Variants in WWC2 observed in about 807,000 individuals in gnomAD.
WWC2 encodes WW and C2 domain containing 2.
Under a neutral mutation model 138.5 loss-of-function variants are expected in WWC2, and 101 were observed. That is an observed-to-expected ratio of 0.73 (90% CI 0.62 to 0.86). The LOEUF (loss-of-function observed/expected upper bound fraction) is 0.86. Among genes scored for constraint, WWC2 ranks in the 40% least tolerant of loss-of-function variants. WWC2 has a pLI of 0.00. For synonymous variants in WWC2, 558 were observed against 538.4 expected (o/e 1.04, Z -0.50); for missense variants, 1,420 against 1,419.4 (o/e 1.00, Z -0.01).
Position 183,284,263 on chromosome 4 carries a change from A to C in WWC2, c.2921A>C (p.Asp974Ala), listed in dbSNP as rs764473452. The change falls in exon 19 of 23, where the codon GAC becomes GCC. Residue 974 changes from aspartate to alanine, a missense_variant. Asp to Ala is a moderately radical substitution (Grantham distance 126, BLOSUM62 -2). Coordinates refer to ENST00000403733, the MANE Select transcript of WWC2 (RefSeq NM_024949.6). ...KETNTDEAAN[D>A]NMAVRPKERS... The stretch of plus-strand genomic sequence containing the variant: ...ACAAACACTGATGAAGCCGCTAATG[A>C]CAATATGGCAGTTCGCCCCAAAGAG... The C allele has an allele frequency of 3.1e-6, 5 of 1,613,886 alleles. No homozygotes were observed. The South Asian group carries it at 5.5e-5, about 18-fold the overall frequency.
intron 1 of WWC2, among the ~76,000 whole-genome samples, chr4:183,142,274 T>G (rs10520547): frequency 0.037 from 5,686 of 152,350 alleles, 126 homozygotes; most frequent in African/African-American, 0.051. Context: ...TTGCTGTTAT[T>G]AATGTGAATA....
intron 1 of WWC2, among the ~76,000 whole-genome samples, chr4:183,150,108 G>T (rs1012214681): frequency 2.6e-5 from 4 of 152,140 alleles, no homozygotes; most frequent in Admixed American, 2.0e-4. Context: ...TCTTAGGTTG[G>T]ACAGGGAGTG....
At chr4:183,217,737 C>G (rs1735795788) in intron 4 of WWC2, among the ~76,000 whole-genome samples, 1 of 151,890 alleles carries the variant, frequency 6.6e-6, no homozygotes, top group African/African-American at 2.4e-5. Context: ...ATGAATTACA[C>G]AGAGAAAACA....
chr4:183,224,683 C>T (rs1205793891), intron 4 of WWC2, among the ~76,000 whole-genome samples: 1 of 152,170 alleles, frequency 6.6e-6, no homozygotes, highest in African/African-American at 2.4e-5. Context: ...GCCTTAGCCT[C>T]CCGAGTAGCT....
At chr4:183,311,509 C>T (rs969154766) in intron 21 of WWC2, among the ~76,000 whole-genome samples, 1 of 151,876 alleles carries the variant, frequency 6.6e-6, no homozygotes, top group African/African-American at 2.4e-5. Flanking sequence ...TCTCCCCTTC[C>T]TCCGGTGCTG....
rs1385570626 is a variant in WWC2, at chr4:183,315,670, A to G, written c.3520A>G (p.Ile1174Val). 6.2e-7 allele frequency: 1 copy of G among 1,612,940 alleles called. No homozygotes were observed. Reference protein sequence around the residue: ...PRQVQSFREKIAYFTRAKISI... With the variant: ...PRQVQSFREKVAYFTRAKISI... ...TTCTCACCCCAACTCTAGGGAGAAG[A>G]TTGCCTACTTCACCAGAGCAAAGAT... The change falls in exon 23 of 23, where the codon ATT becomes GTT. Residue 1174 changes from isoleucine (I) to valine (V), a missense_variant. Transcript: ENST00000403733.
intron 1 of WWC2, among the ~76,000 whole-genome samples, chr4:183,147,493 C>T (rs745887608): frequency 6.6e-6 from 1 of 152,204 alleles, no homozygotes; most frequent in South Asian, 2.1e-4. Flanking sequence ...ACTCAGATCA[C>T]TCTGTTGTTA....
intron 1 of WWC2, among the ~76,000 whole-genome samples, chr4:183,159,950 TA>T (rs1438862326): frequency 3.3e-5 from 5 of 152,102 alleles, no homozygotes; most frequent in Non-Finnish European, 7.4e-5. Context: ...TTTGAGCAGG[TA>T]TTGGAATGAA....
intron 1 of WWC2, among the ~76,000 whole-genome samples, chr4:183,113,312 A>G (rs1430094635): frequency 6.6e-6 from 1 of 152,018 alleles, no homozygotes; most frequent in Non-Finnish European, 1.5e-5. Context: ...GAGGCAGAGA[A>G]GTATTAGGTT....
At chr4:183,192,423 C>G (rs1469187095) in intron 1 of WWC2, among the ~76,000 whole-genome samples, 1 of 152,190 alleles carries the variant, frequency 6.6e-6, no homozygotes, top group African/African-American at 2.4e-5. Context: ...CCAGTGTCTT[C>G]TTTGGAGCCA....
chr4:183,111,022 G>A (rs1420584894), intron 1 of WWC2, among the ~76,000 whole-genome samples: 6 of 152,030 alleles, frequency 3.9e-5, no homozygotes, highest in African/African-American at 9.7e-5. Context: ...GGCGGATCAC[G>A]AGGTCAGGAG....
chr4:183,250,086 C>T (rs1314085003), intron 8 of WWC2, 93 bp downstream of exon 8: 76 of 1,153,616 alleles, frequency 6.6e-5, no homozygotes, highest in Non-Finnish European at 9.0e-5. Context: ...TGGGCACTCC[C>T]CATACATTCT....
Position 183,265,120 on chromosome 4 carries a change from C to A in WWC2, c.2039+13C>A, listed in dbSNP as rs971867655. Reference sequence around the variant, plus strand: ...CTTTCGTGAAACAGTAAGGATTCAGCAGGGGCGCTTTTAGCTCCAGCGAAT... The same window carrying A: ...CTTTCGTGAAACAGTAAGGATTCAGAAGGGGCGCTTTTAGCTCCAGCGAAT... On this transcript the variant is annotated intron_variant, in intron 12 of 22. Coordinates refer to ENST00000403733, the MANE Select transcript of WWC2 (RefSeq NM_024949.6). 3.1e-6 allele frequency: 5 copies of A among 1,594,762 alleles called. No individual in the cohort carries two copies. In the African/African-American group the frequency reaches 5.4e-5, roughly 17 times the overall value.
rs776397633 is a variant in WWC2, at chr4:183,261,457, G to A, written c.1834G>A (p.Gly612Arg). 4 of 1,612,578 alleles carry A rather than the reference G, an allele frequency of 2.5e-6. No individual in the cohort carries two copies. In the South Asian group the frequency reaches 4.4e-5, roughly 18 times the overall value. ...GATTTTGCTGGATTCTGATTCAGGA[G>A]GAGCCTCCCAGTCTCTTTCAGAGGA... is the stretch of plus-strand genomic sequence containing the variant. ...NQILLDSDSG[G>R]ASQSLSEDKD... The change falls in exon 11 of 23, where the codon GGA (glycine) becomes AGA (arginine). Residue 612 changes from glycine (G) to arginine (R), a missense_variant. Physicochemically the swap from Gly to Arg is moderately radical, Grantham distance 125. Coordinates refer to ENST00000403733, the MANE Select transcript of WWC2 (RefSeq NM_024949.6).
chr4:183,249,317 T>G (rs1736900597), intron 7 of WWC2, among the ~76,000 whole-genome samples: 3 of 152,348 alleles, frequency 2.0e-5, no homozygotes, highest in South Asian at 4.1e-4. Flanking sequence ...CATTTAAATA[T>G]TTAATGTGGC....
chr4:183,248,777 T>G lies in WWC2; in HGVS notation c.796T>G (p.Leu266Val), dbSNP rs759054918. 16 of 1,604,584 alleles carry G rather than the reference T, an allele frequency of 1.0e-5. No individual in the cohort carries two copies. The South Asian group carries it at 1.8e-4, about 18-fold the overall frequency. ...DQNIGRSEPD[L>V]RCSPVNSHLC... ...GAACATTGGCAGATCTGAGCCAGATTTGAGATGTAGTCCTGTGAACTCTCA... is the reference window on the plus strand; with the variant it reads ...GAACATTGGCAGATCTGAGCCAGATGTGAGATGTAGTCCTGTGAACTCTCA... Residue 266 changes from leucine (L) to valine (V), a missense_variant, in exon 7 of 23, where the codon TTG becomes GTG. Leu to Val is a conservative substitution (Grantham distance 32, BLOSUM62 1). Transcript: ENST00000403733.
intron 2 of WWC2, among the ~76,000 whole-genome samples, chr4:183,207,698 C>T (rs1283128907): frequency 6.6e-6 from 1 of 152,128 alleles, no homozygotes; most frequent in East Asian, 1.9e-4. Context: ...CCACAGAATT[C>T]TTGAATGATC....
intron 1 of WWC2, among the ~76,000 whole-genome samples, chr4:183,113,540 ACGTGCATG>A (rs1732317730): frequency 2.0e-5 from 3 of 147,858 alleles, no homozygotes; most frequent in African/African-American, 2.5e-5. Context: ...GCGCACATGC[ACGTGCATG>A]CAAGATGATC....
intron 1 of WWC2, among the ~76,000 whole-genome samples, chr4:183,157,098 T>C (rs1733827822): frequency 6.6e-6 from 1 of 152,222 alleles, no homozygotes. Context: ...AGGGCCTTCT[T>C]TCCCCTGGTC....
Sources: gnomAD v4.1 joint callset for allele counts (sites outside exome capture counted in the v4.1 genomes callset) on GRCh38, gnomAD v4.1.1 for gene constraint, MANE v1.5 for transcripts, NCBI Gene and HGNC (gene_info 2026-07-23, HGNC 2026-07-21) for gene names.